Variants in ATP1B3 observed in about 807,000 individuals in gnomAD.
ATP1B3 encodes ATPase Na+/K+ transporting subunit beta 3, also known as sodium/potassium-transporting ATPase subunit beta-3.
In ATP1B3, 10 loss-of-function variants were observed where a neutral mutation model predicts 30.2. That is an observed-to-expected ratio of 0.33 (90% CI 0.20 to 0.56). The LOEUF is 0.56. Among genes scored for constraint, ATP1B3 ranks in the 20% least tolerant of loss-of-function variants. The pLI, the probability that ATP1B3 is intolerant of heterozygous loss-of-function variation, is 0.90. For synonymous variants in ATP1B3, 113 were observed against 117.0 expected (o/e 0.97, Z 0.22); for missense variants, 238 against 336.7 (o/e 0.71, Z 2.29).
At chr3:141,901,067 G>A (rs1160046992) in intron 1 of ATP1B3, among the ~76,000 whole-genome samples, 1 of 152,246 alleles carries the variant, frequency 6.6e-6, no homozygotes, top group African/African-American at 2.4e-5. Flanking sequence ...ACAGGCGTGA[G>A]CCACTGCACC....
At position 141,913,637 on chromosome 3, in the gene ATP1B3, A is replaced by G. The variant is rs1178561364; in HGVS notation, c.347-15A>G. The G allele has an allele frequency of 2.5e-6, 4 of 1,604,194 alleles. No individual in the cohort carries two copies. Among genetic ancestry groups the G allele is most frequent in the Non-Finnish European group, 2.5e-6 (3 of 1,176,744 alleles). ...TTTTTGGCTGATCTAGCACACATAT[A>G]TGTTTCCTTTTTAGCATATACTTTA... On this transcript the variant is annotated splice_polypyrimidine_tract_variant and intron_variant, in intron 3 of 6. Transcript: ENST00000286371.
At chr3:141,881,143 C>T (rs574960859) in intron 1 of ATP1B3, among the ~76,000 whole-genome samples, 2 of 149,262 alleles carry the variant, frequency 1.3e-5, no homozygotes, top group South Asian at 4.2e-4. Context: ...GTGGAGGTTA[C>T]AGTGAGCCAA....
At chr3:141,895,254 TCTCAGCTCGCTGCAAC>T (rs914371091) in intron 1 of ATP1B3, among the ~76,000 whole-genome samples, 11 of 150,986 alleles carry the variant, frequency 7.3e-5, no homozygotes, top group South Asian at 6.3e-4. Context: ...AGTGGCGTGA[TCTCAGCTCGCTGCAAC>T]CTCTGCCTCC....
Position 141,900,125 on chromosome 3 carries a change from T to G in ATP1B3, c.110-3495T>G, listed in dbSNP as rs537199300. ...AATTTGAGTAGTAGGAGTGTCTTTATTATGCTAATGAAGTGACTGGCAGTG... is the reference window on the plus strand; with the variant it reads ...AATTTGAGTAGTAGGAGTGTCTTTAGTATGCTAATGAAGTGACTGGCAGTG... On this transcript the variant is annotated intron_variant, in intron 1 of 6. Coordinates refer to ENST00000286371, the MANE Select transcript of ATP1B3 (RefSeq NM_001679.4). Among the ~76,000 whole-genome samples the G allele has an allele frequency of 2.4e-4, 37 of 152,154 alleles. No homozygotes were observed. The East Asian group carries it at 7.0e-3, about 29-fold the overall frequency.
chr3:141,915,900 G>A, intron 4 of ATP1B3, 70 bp from the exon 5 acceptor site: 2 of 1,273,204 alleles, frequency 1.6e-6, no homozygotes, highest in Non-Finnish European at 2.2e-6. Context: ...CTTGTTCCCA[G>A]CAACAGAGGG....
In ATP1B3 at chr3:141,903,582, G is replaced by T. The variant is rs750097923; in HGVS notation, c.110-38G>T. 6 of 1,607,944 alleles carry T rather than the reference G, an allele frequency of 3.7e-6. No individual in the cohort carries two copies. The Admixed American group carries it at 8.4e-5, about 22-fold the overall frequency. On this transcript the variant is annotated intron_variant, in intron 1 of 6. Coordinates refer to ENST00000286371, the MANE Select transcript of ATP1B3 (RefSeq NM_001679.4). ...GCCAAACATGCATACACACACACAC[G>T]CACGTGCACATTTCATAAGTTTTAT...
rs534137419 is a variant in ATP1B3, at chr3:141,903,581, C to T, written c.110-39C>T. On this transcript the variant is annotated intron_variant, in intron 1 of 6. Coordinates refer to ENST00000286371, the MANE Select transcript of ATP1B3 (RefSeq NM_001679.4). ...GGCCAAACATGCATACACACACACA[C>T]GCACGTGCACATTTCATAAGTTTTA... is the stretch of plus-strand genomic sequence containing the variant. The T allele has an allele frequency of 2.4e-5, 38 of 1,609,436 alleles. No individual in the cohort carries two copies. The African/African-American group carries it at 2.5e-4, about 11-fold the overall frequency.
chr3:141,914,347 GT>G (rs1934418187), intron 4 of ATP1B3, among the ~76,000 whole-genome samples: 1 of 152,174 alleles, frequency 6.6e-6, no homozygotes, highest in Non-Finnish European at 1.5e-5. Flanking sequence ...ATTCTAACGA[GT>G]TCAGTGGGAT....
rs368376011 is a variant in ATP1B3, at chr3:141,876,776, C to A, written c.-26C>A. ...GCCGCCTCCATCCCCGCGGCCGCAGCTCCTCTCGCCGTCCGCGCGCACACC... is the reference window on the plus strand; with the variant it reads ...GCCGCCTCCATCCCCGCGGCCGCAGATCCTCTCGCCGTCCGCGCGCACACC... On this transcript the variant is annotated 5_prime_UTR_variant, in exon 1 of 7. Transcript: ENST00000286371. 2.5e-6 allele frequency: 4 copies of A among 1,575,012 alleles called. No individual in the cohort carries two copies. The highest frequency in any genetic ancestry group is 1.4e-5 in the African/African-American group (1 of 71,826).
At chr3:141,900,433 C>T (rs72986350) in intron 1 of ATP1B3, among the ~76,000 whole-genome samples, 3,493 of 152,256 alleles carry the variant, frequency 0.023, 144 homozygotes, top group African/African-American at 0.08. Context: ...CAGAAACTGC[C>T]TTGCCTCCCA....
intron 6 of ATP1B3, among the ~76,000 whole-genome samples, chr3:141,924,560 A>T (rs1040292006): frequency 6.6e-6 from 1 of 152,162 alleles, no homozygotes; most frequent in Non-Finnish European, 1.5e-5. Context: ...GAGGCAGGGG[A>T]ATCGCTTGAA....
At chr3:141,923,298 A>T (rs1420181926) in intron 6 of ATP1B3, among the ~76,000 whole-genome samples, 1 of 149,626 alleles carries the variant, frequency 6.7e-6, no homozygotes, top group Admixed American at 6.7e-5. Flanking sequence ...AAAATAGGTT[A>T]GTGGACTAAT....
intron 6 of ATP1B3, among the ~76,000 whole-genome samples, chr3:141,923,802 A>G (rs1934608332): frequency 6.6e-6 from 1 of 152,084 alleles, no homozygotes; most frequent in African/African-American, 2.4e-5. Flanking sequence ...CGGGCCTTTT[A>G]TGGCTTATTT....
At chr3:141,913,412 G>A (rs1202103832) in intron 3 of ATP1B3, among the ~76,000 whole-genome samples, 3 of 152,150 alleles carry the variant, frequency 2.0e-5, no homozygotes, top group Non-Finnish European at 4.4e-5. Flanking sequence ...CCACCTAATG[G>A]TGACAGAAGA....
chr3:141,877,747 A>G (rs1324853838), intron 1 of ATP1B3, among the ~76,000 whole-genome samples: 1 of 150,056 alleles, frequency 6.7e-6, no homozygotes, highest in African/African-American at 2.5e-5. Context: ...TTGTTTTAAT[A>G]TATTTAAACC....
intron 1 of ATP1B3, 115 bp from the exon 2 acceptor site, chr3:141,903,505 C>A: frequency 6.8e-7 from 1 of 1,461,610 alleles, no homozygotes; most frequent in South Asian, 1.3e-5. Flanking sequence ...ATGTGCATGG[C>A]AAAGCTTGGG....
chr3:141,892,031 CTGT>C (rs1933964286), intron 1 of ATP1B3, among the ~76,000 whole-genome samples: 1 of 151,842 alleles, frequency 6.6e-6, no homozygotes, highest in Non-Finnish European at 1.5e-5. Flanking sequence ...TACTAGGTAA[CTGT>C]TGTGTTTTAA....
chr3:141,877,161 C>T (rs1175953563), intron 1 of ATP1B3, among the ~76,000 whole-genome samples: 2 of 151,030 alleles, frequency 1.3e-5, no homozygotes, highest in East Asian at 3.9e-4. Flanking sequence ...GTTCCTCCCT[C>T]CCTGCTGGGA....
chr3:141,907,569 A>C (rs1934285586), intron 3 of ATP1B3, among the ~76,000 whole-genome samples: 1 of 152,042 alleles, frequency 6.6e-6, no homozygotes, highest in Non-Finnish European at 1.5e-5. Context: ...TGAGCCTGGG[A>C]GGCAAAGGTT....
Sources: gnomAD v4.1 joint callset for allele counts (sites outside exome capture counted in the v4.1 genomes callset) on GRCh38, gnomAD v4.1.1 for gene constraint, MANE v1.5 for transcripts, NCBI Gene and HGNC (gene_info 2026-07-23, HGNC 2026-07-21) for gene names.